Variants in SNX24 observed in about 807,000 individuals in gnomAD.
SNX24 encodes sorting nexin 24, also known as sorting nexin-24.
In SNX24, 22 loss-of-function variants were observed where a neutral mutation model predicts 28.7. The observed-to-expected ratio is 0.77, with a 90% CI of 0.55 to 1.10. The LOEUF (loss-of-function observed/expected upper bound fraction) is 1.10, where lower values mean the gene tolerates loss of function less well. Among genes scored for constraint, SNX24 ranks in the 50% least tolerant of loss-of-function variants. The pLI is 0.00. For missense variants in SNX24, 221 were observed against 201.1 expected, an observed-to-expected ratio of 1.10 and a Z score of -0.60; for synonymous variants, 69 against 71.5, an observed-to-expected ratio of 0.96 and a Z score of 0.18.
chr5:123,021,565 T>G (rs1239252476), intron 5 of SNX24, among the ~76,000 whole-genome samples: 4 of 152,282 alleles, frequency 2.6e-5, no homozygotes, highest in African/African-American at 9.6e-5. Flanking sequence ...TTCCAAAAAG[T>G]TATAAATGTT....
intron 3 of SNX24, 57 bp downstream of exon 3, chr5:122,946,216 CTTTTT>C: frequency 9.7e-7 from 1 of 1,029,012 alleles, no homozygotes; most frequent in Non-Finnish European, 1.5e-6. Context: ...TGTCTTACCA[CTTTTT>C]CTCAGGACAT....
At chr5:123,003,442 T>C (rs527704525) in intron 6 of SNX24, among the ~76,000 whole-genome samples, 1 of 152,224 alleles carries the variant, frequency 6.6e-6, no homozygotes, top group South Asian at 2.1e-4. Flanking sequence ...CAATCTAATA[T>C]AGATTAAATA....
intron 1 of SNX24, among the ~76,000 whole-genome samples, chr5:122,865,014 A>G (rs74733643): frequency 0.03 from 4,600 of 152,342 alleles, 130 homozygotes; most frequent in East Asian, 0.04. Context: ...AGCAAGATGG[A>G]GTCAGTTAAG....
intron 3 of SNX24, among the ~76,000 whole-genome samples, chr5:122,971,639 A>C (rs1760962307): frequency 6.6e-6 from 1 of 152,242 alleles, no homozygotes. Flanking sequence ...GCTGATAAGA[A>C]ATCCATTTAT....
chr5:122,896,662 A>T (rs1757215035), intron 1 of SNX24, among the ~76,000 whole-genome samples: 1 of 152,234 alleles, frequency 6.6e-6, no homozygotes, highest in Non-Finnish European at 1.5e-5. Context: ...GCCAAATTCA[A>T]CAATACCATA....
chr5:122,862,215 G>GATCC (rs1177465407), intron 1 of SNX24, among the ~76,000 whole-genome samples: 1 of 152,166 alleles, frequency 6.6e-6, no homozygotes, highest in Non-Finnish European at 1.5e-5. Context: ...TGGGACTGAA[G>GATCC]ATCCCCAGCT....
Position 122,887,191 on chromosome 5 carries a change from G to A in SNX24, c.60+41498G>A, listed in dbSNP as rs538380895. Among the ~76,000 whole-genome samples the A allele has an allele frequency of 1.6e-4, 24 of 152,282 alleles. No homozygotes were observed. In the South Asian group the frequency reaches 4.8e-3, roughly 30 times the overall value. On this transcript the variant is annotated intron_variant, in intron 1 of 6. Coordinates refer to ENST00000261369, the MANE Select transcript of SNX24 (RefSeq NM_014035.4). The stretch of plus-strand genomic sequence containing the variant: ...TAACTGTACCTATACTCTGGGTGGA[G>A]AGTTTAGCTCCATTCACAAGTCTGA...
chr5:122,884,302 A>T (rs1361207578), intron 1 of SNX24, among the ~76,000 whole-genome samples: 1 of 130,514 alleles, frequency 7.7e-6, no homozygotes, highest in Non-Finnish European at 1.5e-5. Flanking sequence ...CCTAGGCTAG[A>T]GTGCAGTGGT....
intron 3 of SNX24, among the ~76,000 whole-genome samples, chr5:122,978,863 G>A (rs1761276939): frequency 1.3e-5 from 2 of 152,176 alleles, no homozygotes; most frequent in Admixed American, 1.3e-4. Context: ...CCATGTCAGT[G>A]ATCTCATCCA....
Position 122,916,773 on chromosome 5 carries a change from A to G in SNX24, c.61-19961A>G, listed in dbSNP as rs563869578. ...AGGTTGAATGATAATCTTTCTTTAC[A>G]TAAGCTGCTTGGAAACTGTCAATTC... On this transcript the variant is annotated intron_variant, in intron 1 of 6. Coordinates refer to ENST00000261369, the MANE Select transcript of SNX24 (RefSeq NM_014035.4). Among the ~76,000 whole-genome samples, 56 of 152,318 alleles carry G rather than the reference A, an allele frequency of 3.7e-4. 1 individual carries two copies. The highest frequency in any genetic ancestry group is 1.2e-3 in the African/African-American group (50 of 41,564).
rs139702164 is a variant in SNX24, at chr5:122,894,116, A to T, written c.61-42618A>T. Among the ~76,000 whole-genome samples the T allele has an allele frequency of 4.2e-3, 635 of 151,420 alleles. 1 individual carries two copies. The highest frequency in any genetic ancestry group is 0.01 in the Middle Eastern group (3 of 292). Reference sequence around the variant, plus strand: ...TTTAGTATGCAGTTAGGCTCTTTTTATGAGGTTTTCCAAAACCTCTTGATT... The same window carrying T: ...TTTAGTATGCAGTTAGGCTCTTTTTTTGAGGTTTTCCAAAACCTCTTGATT... On this transcript the variant is annotated intron_variant, in intron 1 of 6. Transcript: ENST00000261369.
At position 122,953,089 on chromosome 5, in the gene SNX24, C is replaced by T. The variant is rs986350633; in HGVS notation, c.249+6930C>T. On this transcript the variant is annotated intron_variant, in intron 3 of 6. Coordinates refer to ENST00000261369, the MANE Select transcript of SNX24 (RefSeq NM_014035.4). The stretch of plus-strand genomic sequence containing the variant: ...TTCTTCCTTTCTTCCTTTTTTCCTT[C>T]CCTTTCCTTTCCTTTCCTTTCTTTT... Among the ~76,000 whole-genome samples the T allele has an allele frequency of 3.0e-3, 461 of 151,252 alleles. 3 individuals are homozygous for T. The highest frequency in any genetic ancestry group is 0.01 in the African/African-American group (415 of 41,018).
intron 3 of SNX24, among the ~76,000 whole-genome samples, chr5:122,995,340 C>T (rs1762016006): frequency 6.6e-6 from 1 of 152,202 alleles, no homozygotes; most frequent in Non-Finnish European, 1.5e-5. Context: ...CCTTGACTTT[C>T]CACTGCCTGG....
At chr5:122,968,304 G>A (rs1343191579) in intron 3 of SNX24, among the ~76,000 whole-genome samples, 1 of 152,196 alleles carries the variant, frequency 6.6e-6, no homozygotes. Context: ...CTGAGATCAT[G>A]CCACTGCACT....
chr5:122,942,725 C>T (rs1310805638), intron 2 of SNX24, among the ~76,000 whole-genome samples: 1 of 152,114 alleles, frequency 6.6e-6, no homozygotes, highest in Non-Finnish European at 1.5e-5. Context: ...CACAGCAGGG[C>T]CAGGACCGTT....
intron 1 of SNX24, among the ~76,000 whole-genome samples, chr5:122,882,431 C>T (rs1239451774): frequency 6.6e-6 from 1 of 152,150 alleles, no homozygotes; most frequent in African/African-American, 2.4e-5. Flanking sequence ...TAAAATGTAC[C>T]ACCCCCTAAC....
Position 122,921,621 on chromosome 5 carries a change from G to T in SNX24, c.61-15113G>T, listed in dbSNP as rs1758433363. Among the ~76,000 whole-genome samples the T allele has an allele frequency of 9.1e-5, 6 of 66,098 alleles. No homozygotes were observed. The South Asian group carries it at 3.2e-3, about 35-fold the overall frequency. 43.4% of individuals were successfully genotyped at this position (66,098 alleles called of 152,430 possible). On this transcript the variant is annotated intron_variant, in intron 1 of 6. Transcript: ENST00000261369. ...AAAGTCTAATACATGAAACCTAGAT[G>T]TAAGGCTTGAAAAAAAGATTTATTC...
intron 1 of SNX24, among the ~76,000 whole-genome samples, chr5:122,926,980 A>G (rs1376165069): frequency 5.9e-5 from 9 of 152,202 alleles, no homozygotes; most frequent in Admixed American, 5.9e-4. Flanking sequence ...TTCCCTACCT[A>G]TCAACAGCTT....
chr5:122,915,956 C>T (rs749178580), intron 1 of SNX24, among the ~76,000 whole-genome samples: 1 of 152,270 alleles, frequency 6.6e-6, no homozygotes, highest in Non-Finnish European at 1.5e-5. Flanking sequence ...TTAGCCCTGG[C>T]TGGGCTCTCC....
Sources: allele counts gnomAD v4.1 joint callset (sites outside exome capture counted in the v4.1 genomes callset), GRCh38; gene constraint gnomAD v4.1.1; transcripts MANE v1.5; gene names NCBI Gene and HGNC (gene_info 2026-07-23, HGNC 2026-07-21).